Variants in IPP observed in about 807,000 individuals in gnomAD.
IPP encodes the protein actin-binding protein IPP.
A neutral mutation model predicts 64.1 loss-of-function variants in IPP; 41 were observed. The observed-to-expected ratio is 0.64, with a 90% CI of 0.50 to 0.83. The LOEUF (loss-of-function observed/expected upper bound fraction) is 0.83. Ranked by LOEUF, IPP falls within the 40% of genes least tolerant of loss-of-function variation. The pLI, the probability that IPP is intolerant of heterozygous loss-of-function variation, is 0.00. For synonymous variants in IPP, 214 were observed against 235.2 expected, an observed-to-expected ratio of 0.91 and a Z score of 0.83; for missense variants, 649 against 703.0, an observed-to-expected ratio of 0.92 and a Z score of 0.87.
chr1:45,734,750 G>A (rs1645954311), intron 3 of IPP, among the ~76,000 whole-genome samples: 1 of 151,884 alleles, frequency 6.6e-6, no homozygotes, highest in Admixed American at 6.6e-5. Flanking sequence ...TTCCTGAGTG[G>A]CTGGGAATAC....
At chr1:45,736,960 A>C (rs550654006) in intron 3 of IPP, among the ~76,000 whole-genome samples, 1 of 148,752 alleles carries the variant, frequency 6.7e-6, no homozygotes, top group South Asian at 2.2e-4. Context: ...GGAGAACGGC[A>C]TGAACCCGGG....
At chr1:45,730,576 T>C (rs1382041993) in intron 3 of IPP, among the ~76,000 whole-genome samples, 4 of 152,208 alleles carry the variant, frequency 2.6e-5, no homozygotes, top group African/African-American at 9.7e-5. Context: ...ATTATGCATA[T>C]GATGAGGTAG....
At chr1:45,740,690 G>C (rs181876038) in intron 3 of IPP, among the ~76,000 whole-genome samples, 2 of 152,298 alleles carry the variant, frequency 1.3e-5, no homozygotes, top group East Asian at 3.9e-4. Flanking sequence ...GATAAAAATA[G>C]TGGGTAGAAA....
Position 45,742,629 on chromosome 1 carries a change from G to A in IPP, c.293-1297C>T, listed in dbSNP as rs569519827. ...GCCCACTGCAACCTCTGCCTCCCACGCTCAGGTGAGCCTCCCACCTCAACC... is the reference window on the plus strand; with the variant it reads ...GCCCACTGCAACCTCTGCCTCCCACACTCAGGTGAGCCTCCCACCTCAACC... On this transcript the variant is annotated intron_variant, in intron 2 of 8. Transcript: ENST00000396478. Among the ~76,000 whole-genome samples, 351 of 152,188 alleles carry A rather than the reference G, an allele frequency of 2.3e-3. 2 individuals carry two copies. The highest frequency in any genetic ancestry group is 8.2e-3 in the African/African-American group (340 of 41,506).
chr1:45,719,654 A>G (rs1005389933), intron 5 of IPP, among the ~76,000 whole-genome samples: 1 of 152,166 alleles, frequency 6.6e-6, no homozygotes, highest in Non-Finnish European at 1.5e-5. Flanking sequence ...TTTTTCACAT[A>G]TTAGTTTTGG....
chr1:45,704,340 C>T (rs1157886309), intron 8 of IPP, among the ~76,000 whole-genome samples: 1 of 151,356 alleles, frequency 6.6e-6, no homozygotes, highest in Non-Finnish European at 1.5e-5. Context: ...TGGGTTCAAG[C>T]GATTCTCCTG....
intron 6 of IPP, among the ~76,000 whole-genome samples, chr1:45,718,029 A>G (rs542944252): frequency 2.0e-4 from 31 of 152,340 alleles, no homozygotes; most frequent in African/African-American, 7.5e-4. Context: ...AGCTACATCA[A>G]CTTATAACTT....
intron 2 of IPP, among the ~76,000 whole-genome samples, chr1:45,744,967 G>A (rs1368027482): frequency 6.6e-6 from 1 of 152,092 alleles, no homozygotes; most frequent in Non-Finnish European, 1.5e-5. Flanking sequence ...GTGGTGAGAT[G>A]GTAGCACTAC....
intron 2 of IPP, among the ~76,000 whole-genome samples, chr1:45,745,435 T>C (rs1646121025): frequency 6.6e-6 from 1 of 152,174 alleles, no homozygotes; most frequent in South Asian, 2.1e-4. Context: ...ATTGTAAACA[T>C]TCTTCCATAA....
At chr1:45,750,270 C>A (rs1179393276) in intron 1 of IPP, among the ~76,000 whole-genome samples, 5 of 152,146 alleles carry the variant, frequency 3.3e-5, no homozygotes, top group African/African-American at 1.2e-4. Flanking sequence ...TGCTGCTACA[C>A]TAAAAGCTAA....
intron 5 of IPP, among the ~76,000 whole-genome samples, chr1:45,724,316 T>G (rs1406865452): frequency 6.6e-6 from 1 of 151,514 alleles, no homozygotes; most frequent in African/African-American, 2.4e-5. Flanking sequence ...TGCAGTGGCG[T>G]GATCTCGGCT....
intron 8 of IPP, among the ~76,000 whole-genome samples, chr1:45,706,313 T>A (rs1645511677): frequency 1.3e-5 from 2 of 152,080 alleles, no homozygotes. Context: ...TTAAAACAAG[T>A]CTCAAGCTGG....
downstream of IPP, chr1:45,698,023 C>G (rs1645402182): frequency 6.6e-6 from 1 of 151,816 alleles, no homozygotes; most frequent in Non-Finnish European, 1.5e-5. Context: ...CTGTATGCAG[C>G]CGGGCACGCT....
intron 3 of IPP, among the ~76,000 whole-genome samples, chr1:45,733,087 C>T (rs1028124380): frequency 6.6e-6 from 1 of 151,882 alleles, no homozygotes; most frequent in East Asian, 1.9e-4. Flanking sequence ...AACTTCAAAA[C>T]AAATCAAGAA....
At position 45,727,637 on chromosome 1, in the gene IPP, T is replaced by C. The variant is rs1418433296; in HGVS notation, c.1042A>G (p.Ile348Val). 2 of 1,542,104 alleles carry C rather than the reference T, an allele frequency of 1.3e-6. No homozygotes were observed. The highest frequency in any genetic ancestry group is 2.5e-5 in the South Asian group (2 of 79,912). The change falls in exon 5 of 9, where the codon ATT (isoleucine) becomes GTT (valine). Residue 348 changes from isoleucine (I) to valine (V), a missense_variant. By Grantham distance (29) the Ile-to-Val change is conservative. Transcript: ENST00000396478. ...VTVLGGMVYAIGGEKDSMIFD... is the reference protein window; with the variant it reads ...VTVLGGMVYAVGGEKDSMIFD... Reference sequence around the variant, plus strand: ...AAGACATTTTTATTATTACCTCCAATAGCGTAGACCATCCCTCCCAGAACT... The same window carrying C: ...AAGACATTTTTATTATTACCTCCAACAGCGTAGACCATCCCTCCCAGAACT...
At chr1:45,748,414 G>A (rs1288297793) in intron 1 of IPP, among the ~76,000 whole-genome samples, 1 of 152,088 alleles carries the variant, frequency 6.6e-6, no homozygotes, top group Non-Finnish European at 1.5e-5. Flanking sequence ...ATACCTGTAA[G>A]CCCAGATTTT....
At chr1:45,700,404 C>A (rs1033295633) in intron 8 of IPP, among the ~76,000 whole-genome samples, 1 of 151,406 alleles carries the variant, frequency 6.6e-6, no homozygotes, top group African/African-American at 2.4e-5. Flanking sequence ...TGCACAGCAA[C>A]GATCTCGGCT....
At chr1:45,706,265 C>G (rs1015197058) in intron 8 of IPP, among the ~76,000 whole-genome samples, 1 of 152,030 alleles carries the variant, frequency 6.6e-6, no homozygotes, top group Admixed American at 6.6e-5. Context: ...TAAACTAGAT[C>G]TAAAGGAAGG....
Position 45,748,714 on chromosome 1 carries a change from T to G in IPP, c.-51+1883A>C, listed in dbSNP as rs766927816. Among the ~76,000 whole-genome samples the G allele has an allele frequency of 2.8e-4, 42 of 151,598 alleles. 1 individual carries two copies. The Middle Eastern group carries it at 0.034, about 124-fold the overall frequency. On this transcript the variant is annotated intron_variant, in intron 1 of 8. Transcript: ENST00000396478. ...AAAGCAGGTGCGGTGACTCACGCCT[T>G]TAATCCCAGCACTTTGGAAGGCTGA...
Sources: allele counts gnomAD v4.1 joint callset (sites outside exome capture counted in the v4.1 genomes callset), GRCh38; gene constraint gnomAD v4.1.1; transcripts MANE v1.5; gene names NCBI Gene and HGNC (gene_info 2026-07-23, HGNC 2026-07-21).